The following GALNTL6 variants were observed in gnomAD, a reference collection of about 807,000 sequenced individuals.
GALNTL6 encodes the protein polypeptide N-acetylgalactosaminyltransferase-like 6.
GALNTL6 carries 46 observed loss-of-function variants against 73.7 expected under a neutral mutation model. The observed-to-expected ratio is 0.62, with a 90% confidence interval of 0.49 to 0.80. GALNTL6 has a LOEUF of 0.80. GALNTL6 is among the 30% of genes least tolerant of loss of function. GALNTL6 has a pLI of 0.00. For missense variants in GALNTL6, 604 were observed against 755.0 expected (o/e 0.80, Z 2.34); for synonymous variants, 259 against 263.7 (o/e 0.98, Z 0.17).
At chr4:172,772,524 G>A (rs1236397140) in intron 5 of GALNTL6, among the ~76,000 whole-genome samples, 1 of 152,170 alleles carries the variant, frequency 6.6e-6, no homozygotes, top group Non-Finnish European at 1.5e-5. Flanking sequence ...GGAGGCCAGG[G>A]TTTTTTACAG....
chr4:172,691,528 A>T (rs553069646), intron 5 of GALNTL6, among the ~76,000 whole-genome samples: 1 of 152,322 alleles, frequency 6.6e-6, no homozygotes, highest in African/African-American at 2.4e-5. Context: ...TTAATAGCAC[A>T]TGGCTCTTCT....
At chr4:173,017,315 T>A (rs1752822944) in intron 11 of GALNTL6, among the ~76,000 whole-genome samples, 1 of 152,224 alleles carries the variant, frequency 6.6e-6, no homozygotes, top group African/African-American at 2.4e-5. Context: ...AATCAAGGGT[T>A]ATTGTACAGG....
At chr4:172,382,013 A>C (rs1378715227) in intron 5 of GALNTL6, among the ~76,000 whole-genome samples, 3 of 152,226 alleles carry the variant, frequency 2.0e-5, no homozygotes, top group Non-Finnish European at 4.4e-5. Context: ...CTTGTTGCCC[A>C]GGCTGGAGTG....
At chr4:172,137,461 TTGAC>T (rs1456665246) in intron 2 of GALNTL6, among the ~76,000 whole-genome samples, 3 of 152,168 alleles carry the variant, frequency 2.0e-5, no homozygotes, top group Non-Finnish European at 4.4e-5. Flanking sequence ...AACAGATAAA[TTGAC>T]TGAAAGTTTA....
At chr4:172,404,820 G>A (rs546524646) in intron 5 of GALNTL6, among the ~76,000 whole-genome samples, 1 of 152,034 alleles carries the variant, frequency 6.6e-6, no homozygotes, top group Admixed American at 6.6e-5. Context: ...CAAATCATAC[G>A]AGAGTTTCTC....
intron 9 of GALNTL6, among the ~76,000 whole-genome samples, chr4:172,938,389 T>C (rs1748736578): frequency 1.3e-5 from 2 of 152,182 alleles, no homozygotes; most frequent in Non-Finnish European, 1.5e-5. Flanking sequence ...TGGTGTCAGC[T>C]TTCCCATCTG....
chr4:171,875,390 C>T (rs1003054085), intron 2 of GALNTL6, among the ~76,000 whole-genome samples: 2 of 152,150 alleles, frequency 1.3e-5, no homozygotes, highest in Admixed American at 6.5e-5. Flanking sequence ...AGTCTCCTCC[C>T]TTGTCTTTTT....
intron 5 of GALNTL6, among the ~76,000 whole-genome samples, chr4:172,490,401 C>G (rs1733853797): frequency 6.6e-6 from 1 of 152,004 alleles, no homozygotes; most frequent in African/African-American, 2.4e-5. Flanking sequence ...AAAATAATTT[C>G]TAATATGTTA....
intron 2 of GALNTL6, among the ~76,000 whole-genome samples, chr4:171,989,484 G>A (rs372075212): frequency 3.3e-4 from 51 of 152,242 alleles, no homozygotes; most frequent in African/African-American, 9.4e-4. Flanking sequence ...CCAGATTTCC[G>A]GCACTTGTAG....
intron 5 of GALNTL6, among the ~76,000 whole-genome samples, chr4:172,755,050 C>G (rs1274863176): frequency 6.6e-6 from 1 of 151,976 alleles, no homozygotes; most frequent in Non-Finnish European, 1.5e-5. Context: ...CACTAGAGTC[C>G]ATTTGTCCTA....
intron 12 of GALNTL6, 96 bp downstream of exon 12, chr4:173,021,721 CAGT>C: frequency 7.9e-7 from 1 of 1,266,988 alleles, no homozygotes; most frequent in Non-Finnish European, 1.1e-6. Context: ...AGGCCTGGCG[CAGT>C]CACTCACACC....
At chr4:172,024,438 T>C (rs1741495099) in intron 2 of GALNTL6, among the ~76,000 whole-genome samples, 1 of 151,826 alleles carries the variant, frequency 6.6e-6, no homozygotes, top group Admixed American at 6.6e-5. Context: ...ATTCTCTATA[T>C]AATACTAATA....
At chr4:171,852,326 C>G (rs1339145106) in intron 2 of GALNTL6, among the ~76,000 whole-genome samples, 1 of 152,074 alleles carries the variant, frequency 6.6e-6, no homozygotes, top group Non-Finnish European at 1.5e-5. Context: ...TAAGTGGCAA[C>G]TATTCTGAAG....
intron 7 of GALNTL6, among the ~76,000 whole-genome samples, chr4:172,817,550 A>G (rs371865607): frequency 1.4e-4 from 22 of 152,332 alleles, no homozygotes; most frequent in East Asian, 5.8e-4. Flanking sequence ...CTTGTTATTC[A>G]TGGCTTTTAG....
intron 3 of GALNTL6, among the ~76,000 whole-genome samples, chr4:172,261,443 G>T (rs370861932): frequency 1.3e-5 from 2 of 151,498 alleles, no homozygotes; most frequent in East Asian, 3.9e-4. Flanking sequence ...TGTGGTATTG[G>T]TTGTAATAGC....
intron 10 of GALNTL6, among the ~76,000 whole-genome samples, chr4:172,997,176 AT>A (rs1751833071): frequency 1.3e-5 from 2 of 152,110 alleles, no homozygotes; most frequent in Non-Finnish European, 2.9e-5. Context: ...TTTAATTTCC[AT>A]GTGTTTCCTT....
chr4:171,910,642 C>T (rs1024321910), intron 2 of GALNTL6, among the ~76,000 whole-genome samples: 9 of 151,804 alleles, frequency 5.9e-5, no homozygotes, highest in Non-Finnish European at 1.2e-4. Flanking sequence ...TTACCCTGTT[C>T]GCCATTTTAT....
intron 2 of GALNTL6, among the ~76,000 whole-genome samples, chr4:171,982,498 C>CCA (rs1284572266): frequency 1.3e-5 from 2 of 152,038 alleles, no homozygotes; most frequent in Non-Finnish European, 2.9e-5. Context: ...CGGGGTTTCA[C>CCA]TGTCTTAGCC....
At chr4:172,737,531 T>C (rs970201879) in intron 5 of GALNTL6, among the ~76,000 whole-genome samples, 2 of 152,348 alleles carry the variant, frequency 1.3e-5, no homozygotes, top group East Asian at 1.9e-4. Flanking sequence ...TTCTATATTA[T>C]CTTGGAGATC....
Sources: gnomAD v4.1 joint callset for allele counts (sites outside exome capture counted in the v4.1 genomes callset) on GRCh38, gnomAD v4.1.1 for gene constraint, MANE v1.5 for transcripts, NCBI Gene and HGNC (gene_info 2026-07-23, HGNC 2026-07-21) for gene names.